The following TSPEAR variants were observed in gnomAD, a reference collection of about 807,000 sequenced individuals.
TSPEAR encodes thrombospondin-type laminin G domain and EAR repeat-containing protein.
Under a neutral mutation model 71.6 loss-of-function variants are expected in TSPEAR, and 69 were observed. That is an observed-to-expected ratio of 0.96 (90% CI 0.79 to 1.18). The LOEUF is 1.18. Among genes scored for constraint, TSPEAR ranks in the 50% most tolerant of loss-of-function variants. The pLI is 0.00. For missense variants in TSPEAR, 971 were observed against 894.9 expected (o/e 1.09, Z -1.09); for synonymous variants, 402 against 387.2 (o/e 1.04, Z -0.45).
At chr21:44,575,191 G>C in intron 1 of TSPEAR, 8 of 739,044 alleles carry the variant, frequency 1.1e-5, no homozygotes, top group Non-Finnish European at 1.8e-5. Flanking sequence ...CTTGCGGGGG[G>C]AGGGGGGCGC....
chr21:44,660,925 C>A (rs1985452575), intron 1 of TSPEAR, among the ~76,000 whole-genome samples: 1 of 152,008 alleles, frequency 6.6e-6, no homozygotes, highest in African/African-American at 2.4e-5. Flanking sequence ...CAAGATCGCA[C>A]CACTGCACTC....
In TSPEAR at chr21:44,658,028, C is replaced by T. The variant is rs782322834; in HGVS notation, c.82+53405G>A. 80 of 1,613,938 alleles carry T rather than the reference C, an allele frequency of 5.0e-5. 1 individual carries two copies. The highest frequency in any genetic ancestry group is 2.1e-4 in the South Asian group (19 of 91,070). On this transcript the variant is annotated intron_variant, in intron 1 of 11. Transcript: ENST00000323084. Reference sequence around the variant, plus strand: ...AGCCTGCCAGCCAACCTGCTGCATACACAGCCCCTGCCAGGCATCCTGCTA... The same window carrying T: ...AGCCTGCCAGCCAACCTGCTGCATATACAGCCCCTGCCAGGCATCCTGCTA...
intron 9 of TSPEAR, among the ~76,000 whole-genome samples, chr21:44,512,024 C>T (rs1277318812): frequency 6.6e-6 from 1 of 152,162 alleles, no homozygotes; most frequent in Admixed American, 6.5e-5. Flanking sequence ...AGGAAGAGGG[C>T]CCAAAGGCAT....
At chr21:44,647,185 C>G in intron 1 of TSPEAR, 1 of 1,613,772 alleles carries the variant, frequency 6.2e-7, no homozygotes, top group East Asian at 2.2e-5. Context: ...CCTCTGCCAC[C>G]CCGTGTGCAG....
chr21:44,603,261 C>G (rs7283951), intron 1 of TSPEAR, among the ~76,000 whole-genome samples: 6,523 of 152,238 alleles, frequency 0.043, 345 homozygotes, highest in African/African-American at 0.12. Flanking sequence ...GCCCCTACCC[C>G]GGCCCCTGTG....
chr21:44,581,673 C>A (rs182940533), intron 1 of TSPEAR, among the ~76,000 whole-genome samples: 4 of 54,606 alleles, frequency 7.3e-5, no homozygotes, highest in Non-Finnish European at 1.4e-4. Flanking sequence ...AAGTGTTTTG[C>A]GCTCTTAAAA....
intron 2 of TSPEAR, among the ~76,000 whole-genome samples, chr21:44,552,978 G>A (rs986737965): frequency 6.6e-6 from 1 of 152,200 alleles, no homozygotes; most frequent in Non-Finnish European, 1.5e-5. Context: ...CCGAGGCAGC[G>A]GCGTTCCCTA....
chr21:44,509,114 G>C (rs1283030808), intron 10 of TSPEAR, 85 bp downstream of exon 10: 1 of 1,460,416 alleles, frequency 6.8e-7, no homozygotes, highest in African/African-American at 1.4e-5. Context: ...CGGGAAGGGT[G>C]GTGAGGATGA....
At chr21:44,702,069 G>A (rs868971581) in intron 1 of TSPEAR, among the ~76,000 whole-genome samples, 2 of 152,186 alleles carry the variant, frequency 1.3e-5, no homozygotes, top group Admixed American at 6.5e-5. Flanking sequence ...CCTAAGTGCC[G>A]TCACACACGT....
At chr21:44,540,143 G>A (rs782718593) in intron 2 of TSPEAR, 3 of 1,612,992 alleles carry the variant, frequency 1.9e-6, no homozygotes, top group African/African-American at 2.7e-5. Flanking sequence ...CATGGTGGAC[G>A]CGGCCATGCT....
At chr21:44,702,624 C>T (rs1987710686) in intron 1 of TSPEAR, 7 of 1,602,342 alleles carry the variant, frequency 4.4e-6, no homozygotes, top group Non-Finnish European at 5.1e-6. Flanking sequence ...TGTCCCTCCT[C>T]TGCCACCCTG....
chr21:44,600,581 C>T (rs1329030785), intron 1 of TSPEAR: 19 of 1,588,780 alleles, frequency 1.2e-5, no homozygotes, highest in Non-Finnish European at 1.6e-5. Context: ...CATTCACTCA[C>T]TCACCCACTC....
At chr21:44,654,499 G>T in intron 1 of TSPEAR, 10 of 1,613,702 alleles carry the variant, frequency 6.2e-6, no homozygotes, top group Non-Finnish European at 8.5e-6. Context: ...CACACAGGGG[G>T]CTGAGCAGCA....
chr21:44,639,378 C>A (rs1983888572), intron 1 of TSPEAR, among the ~76,000 whole-genome samples: 1 of 152,230 alleles, frequency 6.6e-6, no homozygotes, highest in South Asian at 2.1e-4. Context: ...ATGACAGAGG[C>A]CGCCAGCCCC....
chr21:44,613,929 G>A (rs963300985), intron 1 of TSPEAR, among the ~76,000 whole-genome samples: 34 of 152,132 alleles, frequency 2.2e-4, no homozygotes, highest in African/African-American at 7.5e-4. Context: ...AAGGCCCTGT[G>A]GCTCTGCCGC....
In TSPEAR at chr21:44,687,175, G is replaced by A. The variant is rs782443088; in HGVS notation, c.82+24258C>T. ...TGTCAGAAGGGCTTTCCCCCAGCAC[G>A]CGTTTCCCCAGAGGCTGGATTGGGG... is the stretch of plus-strand genomic sequence containing the variant. On this transcript the variant is annotated intron_variant, in intron 1 of 11. Coordinates refer to ENST00000323084, the MANE Select transcript of TSPEAR (RefSeq NM_144991.3). This position sits in a 1 kb window ranked among gnomAD's most constrained non-coding sequence, Gnocchi z 4.4. 4.6e-5 allele frequency among the ~76,000 whole-genome samples: 7 copies of A among 152,318 alleles called. No homozygotes were observed. Among genetic ancestry groups the A allele is most frequent in the South Asian group, 2.1e-4 (1 of 4,828 alleles).
chr21:44,525,591 T>C, intron 8 of TSPEAR, 62 bp downstream of exon 8: 2 of 1,541,628 alleles, frequency 1.3e-6, no homozygotes, highest in Non-Finnish European at 1.8e-6. Context: ...TCGCCCTGCC[T>C]GCAAGTCTCG....
At chr21:44,578,914 C>T (rs1464198667) in intron 1 of TSPEAR, among the ~76,000 whole-genome samples, 3 of 152,190 alleles carry the variant, frequency 2.0e-5, no homozygotes, top group African/African-American at 7.2e-5. Flanking sequence ...ACCTGGTGCC[C>T]CCAGAGGAGG....
At chr21:44,597,420 T>TTTGCTTTTTC (rs1432978852) in intron 1 of TSPEAR, among the ~76,000 whole-genome samples, 7 of 147,768 alleles carry the variant, frequency 4.7e-5, no homozygotes, top group Admixed American at 3.3e-4. Flanking sequence ...CTCTTTTTCT[T>TTTGCTTTTTC]TTTCTTTCTT....
Sources: allele counts gnomAD v4.1 joint callset (sites outside exome capture counted in the v4.1 genomes callset), GRCh38; gene constraint gnomAD v4.1.1; non-coding constraint Gnocchi (gnomAD v3.1); transcripts MANE v1.5; gene names NCBI Gene and HGNC (gene_info 2026-07-23, HGNC 2026-07-21).